DLG2: variants seen among roughly 807,000 people sequenced by gnomAD.
DLG2 encodes discs large MAGUK scaffold protein 2.
A neutral mutation model predicts 132.5 loss-of-function variants in DLG2; 45 were observed. The observed-to-expected ratio is 0.34, with a 90% CI of 0.27 to 0.44. The LOEUF (loss-of-function observed/expected upper bound fraction) is 0.44, where lower values mean the gene tolerates loss of function less well. DLG2 is among the 20% of genes least tolerant of loss of function. The pLI is 1.00. For missense variants in DLG2, 1,045 were observed against 1,196.9 expected, an observed-to-expected ratio of 0.87 and a Z score of 1.87; for synonymous variants, 424 against 419.6, an observed-to-expected ratio of 1.01 and a Z score of -0.13.
intron 7 of DLG2, among the ~76,000 whole-genome samples, chr11:84,482,277 C>A (rs551828176): frequency 3.3e-5 from 5 of 152,212 alleles, no homozygotes; most frequent in Middle Eastern, 3.4e-3. Flanking sequence ...GCCAAGCAAA[C>A]ATTGGTTCTT....
chr11:85,158,854 T>C (rs2077805008), intron 4 of DLG2, among the ~76,000 whole-genome samples: 1 of 152,154 alleles, frequency 6.6e-6, no homozygotes, highest in Non-Finnish European at 1.5e-5. Context: ...TCATACTTAA[T>C]GTATACAAGC....
At chr11:84,409,898 C>A (rs774162362) in intron 7 of DLG2, among the ~76,000 whole-genome samples, 3 of 152,190 alleles carry the variant, frequency 2.0e-5, no homozygotes, top group Non-Finnish European at 4.4e-5. Flanking sequence ...ACAGACCATA[C>A]AAGCAGCTTC....
At chr11:84,550,651 T>C (rs915219636) in intron 6 of DLG2, among the ~76,000 whole-genome samples, 1 of 152,194 alleles carries the variant, frequency 6.6e-6, no homozygotes, top group African/African-American at 2.4e-5. Flanking sequence ...GCAGACTTTG[T>C]TCCTGGTCCT....
rs71066079 is a variant in DLG2, at chr11:83,997,730, C to CAAAAA, written c.920-17093_920-17089dup. On this transcript the variant is annotated intron_variant, in intron 11 of 27. Transcript: ENST00000376104. ...TGGGTGACAGAGCAAGACTCCATCT[C>CAAAAA]AAAAAAAAAAAAAAAAAAAAAAAAA... Among the ~76,000 whole-genome samples, 5 of 24,796 alleles carry CAAAAA rather than the reference C, an allele frequency of 2.0e-4. 1 individual carries two copies. The highest frequency in any genetic ancestry group is 4.5e-4 in the African/African-American group (3 of 6,722). The allele number at this position is 24,796 out of a possible 152,430, so 16.3% of individuals were successfully genotyped here.
At chr11:85,444,336 A>G (rs1465402953) in intron 3 of DLG2, among the ~76,000 whole-genome samples, 1 of 152,208 alleles carries the variant, frequency 6.6e-6, no homozygotes, top group Admixed American at 6.5e-5. Context: ...ATTTGCAGCT[A>G]TAGCTGAGTA....
chr11:84,557,081 G>T (rs1335982443), intron 6 of DLG2, among the ~76,000 whole-genome samples: 1 of 152,112 alleles, frequency 6.6e-6, no homozygotes, highest in East Asian at 1.9e-4. Context: ...ACATAGACAG[G>T]TAATTGTAAT....
chr11:85,095,434 T>C (rs892071777), intron 6 of DLG2, among the ~76,000 whole-genome samples: 3 of 152,238 alleles, frequency 2.0e-5, no homozygotes, highest in Non-Finnish European at 4.4e-5. Context: ...TACCACTTTA[T>C]TGAAACTACT....
At chr11:84,210,635 G>A (rs1119672) in intron 8 of DLG2, among the ~76,000 whole-genome samples, 123,430 of 151,638 alleles carry the variant, frequency 0.81, 50,902 homozygotes, top group Middle Eastern at 0.92. Flanking sequence ...ACAAATTATT[G>A]TATGTTTAAA....
At chr11:84,208,514 T>C (rs7117732) in intron 8 of DLG2, among the ~76,000 whole-genome samples, 114,978 of 151,724 alleles carry the variant, frequency 0.76, 45,805 homozygotes, top group Middle Eastern at 0.91. Flanking sequence ...TGGCTAATTT[T>C]TGTATTTTTA....
intron 17 of DLG2, among the ~76,000 whole-genome samples, chr11:83,797,093 G>C (rs1242734316): frequency 6.6e-6 from 1 of 152,116 alleles, no homozygotes; most frequent in East Asian, 1.9e-4. Flanking sequence ...AGTATTCAAG[G>C]CAGAAAGGGA....
chr11:84,327,112 CTTTTTTT>C (rs11290540), intron 7 of DLG2, among the ~76,000 whole-genome samples: 5 of 119,026 alleles, frequency 4.2e-5, no homozygotes, highest in South Asian at 3.0e-4. Flanking sequence ...TAATGAGAAT[CTTTTTTT>C]TTTTTTTTTT....
chr11:85,064,092 T>G (rs1410856641), intron 6 of DLG2, among the ~76,000 whole-genome samples: 1 of 151,872 alleles, frequency 6.6e-6, no homozygotes, highest in Admixed American at 6.6e-5. Context: ...TGAATGTCTG[T>G]CATATAATTA....
intron 3 of DLG2, among the ~76,000 whole-genome samples, chr11:85,473,222 G>A (rs2093040848): frequency 6.6e-6 from 1 of 152,202 alleles, no homozygotes; most frequent in African/African-American, 2.4e-5. Flanking sequence ...ACAGCCTGCT[G>A]GGCTGAGTGG....
intron 7 of DLG2, among the ~76,000 whole-genome samples, chr11:84,469,782 C>CA (rs145866628): frequency 0.034 from 5,204 of 151,348 alleles, 223 homozygotes; most frequent in African/African-American, 0.1. Context: ...TATGGAAAGA[C>CA]AAAAAATATA....
intron 3 of DLG2, among the ~76,000 whole-genome samples, chr11:85,516,373 T>G (rs1414032470): frequency 6.6e-6 from 1 of 151,886 alleles, no homozygotes. Flanking sequence ...AACCTAACAT[T>G]GCACCTCAAG....
chr11:84,866,805 G>C (rs1216684119), intron 6 of DLG2, among the ~76,000 whole-genome samples: 1 of 152,156 alleles, frequency 6.6e-6, no homozygotes, highest in East Asian at 1.9e-4. Context: ...AAAAAGTGAA[G>C]AATCCAGAGA....
At chr11:84,530,829 T>C (rs2099336473) in intron 7 of DLG2, among the ~76,000 whole-genome samples, 1 of 152,228 alleles carries the variant, frequency 6.6e-6, no homozygotes, top group South Asian at 2.1e-4. Flanking sequence ...CAAAGGTATG[T>C]TCCTTGCAGC....
At chr11:84,430,232 T>C (rs2098979988) in intron 7 of DLG2, among the ~76,000 whole-genome samples, 1 of 151,966 alleles carries the variant, frequency 6.6e-6, no homozygotes, top group Non-Finnish European at 1.5e-5. Context: ...GGTCAGGAGA[T>C]CGAGACCATC....
chr11:84,303,854 G>A (rs969866112), intron 7 of DLG2, among the ~76,000 whole-genome samples: 1 of 152,172 alleles, frequency 6.6e-6, no homozygotes, highest in South Asian at 2.1e-4. Context: ...TTGATCTTAA[G>A]ACACCTGCAT....
Sources: gnomAD v4.1 joint callset for allele counts (sites outside exome capture counted in the v4.1 genomes callset) on GRCh38, gnomAD v4.1.1 for gene constraint, MANE v1.5 for transcripts, NCBI Gene and HGNC (gene_info 2026-07-23, HGNC 2026-07-21) for gene names.